The following UNC79 variants were observed in gnomAD, a reference collection of about 807,000 sequenced individuals.
UNC79 encodes unc-79 subunit of NALCN channel complex.
In UNC79, 37 loss-of-function variants were observed where a neutral mutation model predicts 283.1. That is an observed-to-expected ratio of 0.13 (90% confidence interval 0.10 to 0.17). The LOEUF is 0.17. UNC79 is among the 10% of genes least tolerant of loss of function. UNC79 has a pLI of 1.00. For missense variants in UNC79, 2,272 were observed against 3,211.1 expected (o/e 0.71, Z 7.07); for synonymous variants, 1,107 against 1,200.2 (o/e 0.92, Z 1.61).
At chr14:93,515,630 T>C (rs909440128) in intron 7 of UNC79, among the ~76,000 whole-genome samples, 1 of 152,136 alleles carries the variant, frequency 6.6e-6, no homozygotes, top group African/African-American at 2.4e-5. Context: ...ACCACTAATT[T>C]CATATATTTA....
intron 7 of UNC79, among the ~76,000 whole-genome samples, chr14:93,502,868 T>A (rs1367835476): frequency 1.3e-5 from 2 of 152,232 alleles, no homozygotes; most frequent in Non-Finnish European, 2.9e-5. Context: ...ATCACATCAG[T>A]ACATTGGATT....
chr14:93,336,517 A>G (rs2053580937), intron 1 of UNC79, among the ~76,000 whole-genome samples: 1 of 151,940 alleles, frequency 6.6e-6, no homozygotes, highest in Admixed American at 6.6e-5. Context: ...AATTTTTTGT[A>G]TTTTTAGTAG....
intron 1 of UNC79, among the ~76,000 whole-genome samples, chr14:93,462,175 C>T (rs1242771): frequency 0.3 from 45,876 of 151,904 alleles, 7,348 homozygotes; most frequent in East Asian, 0.65. Context: ...ATGTGGTGAC[C>T]GGCACCTGTA....
At chr14:93,616,827 C>G (rs187204875) in intron 27 of UNC79, among the ~76,000 whole-genome samples, 444 of 152,240 alleles carry the variant, frequency 2.9e-3, no homozygotes, top group Non-Finnish European at 5.1e-3. Flanking sequence ...TCTTCATTGT[C>G]TAGTTTAACT....
At chr14:93,538,261 T>C in intron 12 of UNC79, 43 bp downstream of exon 12, 1 of 1,492,408 alleles carries the variant, frequency 6.7e-7, no homozygotes, top group Non-Finnish European at 8.9e-7. Context: ...CAACTCCACC[T>C]TGCTTTGAGC....
intron 1 of UNC79, among the ~76,000 whole-genome samples, chr14:93,417,165 G>A (rs982952448): frequency 1.3e-5 from 2 of 152,012 alleles, no homozygotes; most frequent in Non-Finnish European, 2.9e-5. Flanking sequence ...GGTACCGGTT[G>A]TTCCTTTCCA....
At chr14:93,599,888 T>C (rs2065363956) in intron 24 of UNC79, among the ~76,000 whole-genome samples, 1 of 152,212 alleles carries the variant, frequency 6.6e-6, no homozygotes, top group Middle Eastern at 3.2e-3. Context: ...AGTACGCTTC[T>C]CTTAATGACT....
At chr14:93,418,732 G>C (rs1343814384) in intron 1 of UNC79, among the ~76,000 whole-genome samples, 1 of 151,626 alleles carries the variant, frequency 6.6e-6, no homozygotes, top group African/African-American at 2.4e-5. Context: ...AATGGTGGGC[G>C]CCCCTCCCCC....
intron 1 of UNC79, among the ~76,000 whole-genome samples, chr14:93,378,597 G>T (rs2054606842): frequency 6.6e-6 from 1 of 152,060 alleles, no homozygotes; most frequent in Admixed American, 6.6e-5. Context: ...TATACAGATA[G>T]CCTGAAGGTA....
At chr14:93,522,812 C>T (rs762756218) in intron 7 of UNC79, among the ~76,000 whole-genome samples, 25 of 152,052 alleles carry the variant, frequency 1.6e-4, no homozygotes, top group Non-Finnish European at 3.2e-4. Context: ...TTTTAAATGT[C>T]AGTCGTTCTG....
rs182315889 is a variant in UNC79 at position 93,472,358 on chromosome 14, A to G, written c.144-1731A>G. The stretch of plus-strand genomic sequence containing the variant: ...TCTGATGAAAAATCTGATGGCATTT[A>G]TAATAGATACAGTCAGGTGGTAACT... On this transcript the variant is annotated intron_variant, in intron 2 of 48. Coordinates refer to ENST00000555664, the Ensembl canonical transcript of UNC79. 1.1e-3 allele frequency among the ~76,000 whole-genome samples: 167 copies of G among 152,254 alleles called. No homozygotes were observed. The Middle Eastern group carries it at 0.014, about 12-fold the overall frequency.
intron 39 of UNC79, among the ~76,000 whole-genome samples, chr14:93,660,559 A>ATG (rs1323219450): frequency 6.9e-5 from 6 of 86,822 alleles, no homozygotes; most frequent in East Asian, 6.3e-4. Flanking sequence ...ATATATATAT[A>ATG]TATATGTGTG....
At chr14:93,355,717 C>T (rs760761808) in intron 1 of UNC79, among the ~76,000 whole-genome samples, 2 of 152,256 alleles carry the variant, frequency 1.3e-5, no homozygotes, top group Non-Finnish European at 2.9e-5. Flanking sequence ...CTCTTAACAA[C>T]TCTTAACTGT....
intron 46 of UNC79, 139 bp downstream of exon 49, chr14:93,692,085 T>G (rs907028090): frequency 1.0e-6 from 1 of 991,930 alleles, no homozygotes; most frequent in Non-Finnish European, 1.5e-6. Context: ...CCTTATAAGC[T>G]GGATGTTCTG....
intron 4 of UNC79, among the ~76,000 whole-genome samples, chr14:93,486,536 C>T (rs2058442140): frequency 6.6e-6 from 1 of 151,760 alleles, no homozygotes. Context: ...CGCCTGTAAT[C>T]CCAGCTACTC....
At position 93,621,173 on chromosome 14, in the gene UNC79, A is replaced by G. The variant is rs776383763; in HGVS notation, c.4388-448A>G. Reference sequence around the variant, plus strand: ...GATTTATATATATGTATGCACAAACAGTATATATATATACACATTTATATA... The same window carrying G: ...GATTTATATATATGTATGCACAAACGGTATATATATATACACATTTATATA... On this transcript the variant is annotated intron_variant, in intron 29 of 48. Coordinates refer to ENST00000555664, the Ensembl canonical transcript of UNC79. This position sits in a 1 kb window ranked among gnomAD's most constrained non-coding sequence, Gnocchi z 4.8. The G allele has an allele frequency of 4.3e-4, 149 of 348,374 alleles. 2 individuals are homozygous for G. Among genetic ancestry groups the G allele is most frequent in the Non-Finnish European group, 7.3e-4 (129 of 177,128 alleles). The allele number at this position is 348,374 out of a possible 1,614,324, so 21.6% of individuals were successfully genotyped here.
At chr14:93,444,044 A>G (rs1420495809) in intron 1 of UNC79, among the ~76,000 whole-genome samples, 2 of 152,174 alleles carry the variant, frequency 1.3e-5, no homozygotes, top group Admixed American at 1.3e-4. Context: ...AGTGGCTGTA[A>G]GGTTTTATGT....
At chr14:93,536,771 C>T (rs990195748) in intron 11 of UNC79, among the ~76,000 whole-genome samples, 12 of 141,270 alleles carry the variant, frequency 8.5e-5, no homozygotes, top group African/African-American at 2.9e-4. Flanking sequence ...GCACCCCCCA[C>T]CCACCCCCGG....
At chr14:93,694,962 C>A (rs1010712738) in intron 47 of UNC79, among the ~76,000 whole-genome samples, 1 of 152,170 alleles carries the variant, frequency 6.6e-6, no homozygotes, top group Non-Finnish European at 1.5e-5. Flanking sequence ...TATTTTAAAT[C>A]ATTATACAGT....
Sources: gnomAD v4.1 joint callset for allele counts (sites outside exome capture counted in the v4.1 genomes callset) on GRCh38, gnomAD v4.1.1 for gene constraint, Gnocchi (gnomAD v3.1) non-coding constraint, MANE v1.5 for transcripts, NCBI Gene and HGNC (gene_info 2026-07-23, HGNC 2026-07-21) for gene names.